EPB41L4A: variants seen among roughly 807,000 people sequenced by gnomAD.
The protein encoded by EPB41L4A is band 4.1-like protein 4A.
EPB41L4A carries 100 observed loss-of-function variants against 108.6 expected under a neutral mutation model. The observed-to-expected ratio is 0.92, with a 90% CI of 0.78 to 1.09. The LOEUF is 1.09. Ranked by LOEUF, EPB41L4A falls within the 50% of genes least tolerant of loss-of-function variation. The probability of loss-of-function intolerance (pLI) is 0.00; values close to 1 mark genes in which losing one functional copy is unlikely to be tolerated. For synonymous variants in EPB41L4A, 319 were observed against 289.0 expected (o/e 1.10, Z -1.05); for missense variants, 1,030 against 842.7 (o/e 1.22, Z -2.75).
At chr5:112,388,624 G>C (rs1466880619) in intron 1 of EPB41L4A, among the ~76,000 whole-genome samples, 1 of 152,080 alleles carries the variant, frequency 6.6e-6, no homozygotes, top group Non-Finnish European at 1.5e-5. Context: ...AAATGCGAAG[G>C]CTGCCTTGAC....
At chr5:112,274,111 A>T (rs1752455096) in intron 4 of EPB41L4A, among the ~76,000 whole-genome samples, 1 of 151,532 alleles carries the variant, frequency 6.6e-6, no homozygotes, top group African/African-American at 2.4e-5. Context: ...CAACATAACA[A>T]GACAAAAAAA....
At chr5:112,316,085 A>C (rs536464208) in intron 1 of EPB41L4A, among the ~76,000 whole-genome samples, 2 of 152,354 alleles carry the variant, frequency 1.3e-5, no homozygotes, top group African/African-American at 4.8e-5. Flanking sequence ...TTATAATCGT[A>C]GAGAAAGACT....
At chr5:112,359,792 G>A (rs1011577861) in intron 1 of EPB41L4A, among the ~76,000 whole-genome samples, 3 of 152,064 alleles carry the variant, frequency 2.0e-5, no homozygotes, top group Admixed American at 6.5e-5. Flanking sequence ...CACCCGCCTT[G>A]GCCTCCCAAA....
chr5:112,208,238 C>A (rs1337107046), intron 13 of EPB41L4A, among the ~76,000 whole-genome samples: 19 of 79,028 alleles, frequency 2.4e-4, no homozygotes, highest in Non-Finnish European at 4.7e-4. Context: ...GAGGGAGACT[C>A]CATCTCAAAA....
chr5:112,265,936 C>A (rs2150458480), intron 5 of EPB41L4A, among the ~76,000 whole-genome samples: 1 of 152,244 alleles, frequency 6.6e-6, no homozygotes, highest in East Asian at 1.9e-4. Context: ...GGAGGAAAAT[C>A]AATAAACTCA....
In EPB41L4A at chr5:112,240,813, A is replaced by G. The variant is rs1749731836; in HGVS notation, c.796-3T>C. ...AAAAAGAATGAGGTTTCGTTACACTAAGAGAGAAAGAGAGACAGAATATGA... is the reference window on the plus strand; with the variant it reads ...AAAAAGAATGAGGTTTCGTTACACTGAGAGAGAAAGAGAGACAGAATATGA... On this transcript the variant is annotated splice_region_variant and splice_polypyrimidine_tract_variant and intron_variant, in intron 9 of 22. Coordinates refer to ENST00000261486, the MANE Select transcript of EPB41L4A (RefSeq NM_022140.5). 2.0e-6 allele frequency: 3 copies of G among 1,527,230 alleles called. No individual in the cohort carries two copies. Among genetic ancestry groups the G allele is most frequent in the African/African-American group, 2.8e-5 (2 of 71,646 alleles). The allele number at this position is 1,527,230 out of a possible 1,614,324, so 94.6% of individuals were successfully genotyped here. A position where few individuals can be genotyped will look rare whatever the true frequency, so the allele number is the denominator to read the frequency against.
intron 18 of EPB41L4A, among the ~76,000 whole-genome samples, chr5:112,183,667 A>G (rs906969871): frequency 1.3e-5 from 2 of 152,222 alleles, no homozygotes; most frequent in South Asian, 4.1e-4. Context: ...ACTTCAGAGA[A>G]TTGTGCAGAC....
At chr5:112,201,876 A>G (rs1028795809) in intron 15 of EPB41L4A, among the ~76,000 whole-genome samples, 1 of 152,166 alleles carries the variant, frequency 6.6e-6, no homozygotes, top group Non-Finnish European at 1.5e-5. Flanking sequence ...CATGTGTGCC[A>G]CAGAGGACAA....
In EPB41L4A at chr5:112,359,308, A is replaced by G. The variant is rs1434899068; in HGVS notation, c.100-51818T>C. The stretch of plus-strand genomic sequence containing the variant: ...GATCCAACAAAGGTAAAGAACACAA[A>G]TAAGAAATTCACTAAATTTTCAGTT... On this transcript the variant is annotated intron_variant, in intron 1 of 22. Transcript: ENST00000261486. Among the ~76,000 whole-genome samples the G allele has an allele frequency of 2.0e-5, 3 of 152,240 alleles. 1 individual carries two copies. The highest frequency in any genetic ancestry group is 4.1e-4 in the South Asian group (2 of 4,838).
chr5:112,253,513 T>C (rs1047292626), intron 9 of EPB41L4A, among the ~76,000 whole-genome samples: 2 of 152,226 alleles, frequency 1.3e-5, no homozygotes, highest in African/African-American at 4.8e-5. Flanking sequence ...CATTATTGGG[T>C]TAACCAACAA....
upstream of EPB41L4A, chr5:112,419,866 G>A (rs1004973139): frequency 1.3e-5 from 6 of 456,648 alleles, no homozygotes; most frequent in East Asian, 3.5e-4. Context: ...CTCTCCCTCC[G>A]GGAATGCCTG....
At chr5:112,348,358 T>G (rs1029006514) in intron 1 of EPB41L4A, among the ~76,000 whole-genome samples, 1 of 152,256 alleles carries the variant, frequency 6.6e-6, no homozygotes, top group Non-Finnish European at 1.5e-5. Context: ...TTTATTTCTT[T>G]GTATCTCCAA....
chr5:112,198,796 T>C (rs1580415283), intron 15 of EPB41L4A, among the ~76,000 whole-genome samples: 1 of 152,218 alleles, frequency 6.6e-6, no homozygotes. Flanking sequence ...TCTTATTTAT[T>C]AGTTCTTACC....
At chr5:112,300,575 T>C (rs1028406621) in intron 2 of EPB41L4A, among the ~76,000 whole-genome samples, 1 of 152,184 alleles carries the variant, frequency 6.6e-6, no homozygotes, top group African/African-American at 2.4e-5. Flanking sequence ...TCACAGCTAC[T>C]AAGATTCTTT....
rs765871655 is a variant in EPB41L4A at position 112,419,028 on chromosome 5, GAA to G, written c.10_11del (p.Phe4LeufsTer16). 9.3e-6 allele frequency: 15 copies of G among 1,613,354 alleles called. No homozygotes were observed. Among genetic ancestry groups the G allele is most frequent in the African/African-American group, 2.7e-5 (2 of 74,884 alleles). MGC[F>X]CAVPEEFYCE... ...AGTAAAATTCTTCCGGAACAGCGCAGAAACAGCCCATGTCGGTTGTGGTCGTC... is the reference window on the plus strand; with the variant it reads ...AGTAAAATTCTTCCGGAACAGCGCAGACAGCCCATGTCGGTTGTGGTCGTC... On this transcript the variant is annotated frameshift_variant, in exon 1 of 23. Transcript: ENST00000261486. LOFTEE classifies it high-confidence loss of function.
At chr5:112,158,982 C>T (rs1435845158), downstream of EPB41L4A, among the ~76,000 whole-genome samples, 1 of 152,216 alleles carries the variant, frequency 6.6e-6, no homozygotes, top group Non-Finnish European at 1.5e-5. Context: ...CGTGTTACTG[C>T]CTTCCTTCTG....
In EPB41L4A at chr5:112,164,945, G is replaced by A. The variant is rs1343454593; in HGVS notation, c.*45C>T. The A allele has an allele frequency of 1.3e-6, 2 of 1,527,322 alleles. No homozygotes were observed. Among genetic ancestry groups the A allele is most frequent in the Non-Finnish European group, 1.8e-6 (2 of 1,141,172 alleles). 94.6% of individuals were successfully genotyped at this position (1,527,322 alleles called of 1,614,324 possible). A position where few individuals can be genotyped will look rare whatever the true frequency, so the allele number is the denominator to read the frequency against. On this transcript the variant is annotated 3_prime_UTR_variant, in exon 23 of 23. Transcript: ENST00000261486. ...ATTTCACAGTTTCAAAAGTACCAGT[G>A]GCGCACACAACCTTCCCACCCCTAC...
At chr5:112,365,997 G>A (rs1255702745) in intron 1 of EPB41L4A, among the ~76,000 whole-genome samples, 3 of 152,194 alleles carry the variant, frequency 2.0e-5, no homozygotes, top group Non-Finnish European at 4.4e-5. Flanking sequence ...GCTGGGAAGA[G>A]AGTAAACTAC....
At chr5:112,169,550 T>TA (rs763455129) in intron 20 of EPB41L4A, among the ~76,000 whole-genome samples, 168 of 150,826 alleles carry the variant, frequency 1.1e-3, no homozygotes, top group Non-Finnish European at 1.4e-3. Flanking sequence ...GTTCTCTCCA[T>TA]AAAAAAAAAG....
Sources: allele counts gnomAD v4.1 joint callset (sites outside exome capture counted in the v4.1 genomes callset), GRCh38; gene constraint gnomAD v4.1.1; transcripts MANE v1.5; gene names NCBI Gene and HGNC (gene_info 2026-07-23, HGNC 2026-07-21).